Variants in CHCHD6 observed in about 807,000 individuals in gnomAD.
CHCHD6 encodes the protein coiled-coil-helix-coiled-coil-helix domain containing 6, also known as MICOS complex subunit MIC25.
A neutral mutation model predicts 32.3 loss-of-function variants in CHCHD6; 28 were observed. The ratio of observed to expected loss-of-function variants is 0.87; its 90% CI spans 0.64 to 1.19. The LOEUF (loss-of-function observed/expected upper bound fraction) is 1.19. CHCHD6 is among the 50% of genes most tolerant of loss of function. The probability of loss-of-function intolerance (pLI) is 0.00; values close to 1 mark genes in which losing one functional copy is unlikely to be tolerated. For synonymous variants in CHCHD6, 122 were observed against 117.5 expected (o/e 1.04, Z -0.25); for missense variants, 333 against 307.0 (o/e 1.08, Z -0.63).
At chr3:126,841,776 A>G (rs1941093921) in intron 4 of CHCHD6, among the ~76,000 whole-genome samples, 1 of 151,970 alleles carries the variant, frequency 6.6e-6, no homozygotes. Context: ...TTAACTGGGC[A>G]TTGTGGCATG....
At chr3:126,804,811 GGC>G (rs1939278427) in intron 4 of CHCHD6, among the ~76,000 whole-genome samples, 1 of 152,012 alleles carries the variant, frequency 6.6e-6, no homozygotes, top group South Asian at 2.1e-4. Context: ...ATAAAATACT[GGC>G]AAACCAAATC....
intron 6 of CHCHD6, among the ~76,000 whole-genome samples, chr3:126,924,922 C>T (rs2078301442): frequency 6.6e-6 from 1 of 152,212 alleles, no homozygotes. Context: ...CCATCACCTG[C>T]CTTTCATTCA....
intron 5 of CHCHD6, among the ~76,000 whole-genome samples, chr3:126,911,089 C>T (rs1402455795): frequency 1.3e-5 from 2 of 152,182 alleles, no homozygotes; most frequent in African/African-American, 2.4e-5. Flanking sequence ...AGCCTCAGTT[C>T]AGGTATTGGC....
intron 5 of CHCHD6, among the ~76,000 whole-genome samples, chr3:126,864,963 C>A (rs1250592750): frequency 6.6e-6 from 1 of 150,942 alleles, no homozygotes; most frequent in East Asian, 1.9e-4. Context: ...CCTCCTCCAT[C>A]ACCACCTCCA....
In CHCHD6 at chr3:126,846,416, G is replaced by T. The variant is rs527287094; in HGVS notation, c.412-6231G>T. ...AGGTGGCCATAGGAGGCTTTGAAAA[G>T]CTCATATACTATTCCTGGGATTTTA... On this transcript the variant is annotated intron_variant, in intron 4 of 7. Coordinates refer to ENST00000290913, the MANE Select transcript of CHCHD6 (RefSeq NM_032343.3). Among the ~76,000 whole-genome samples, 8 of 152,342 alleles carry T rather than the reference G, an allele frequency of 5.3e-5. No individual in the cohort carries two copies. The South Asian group carries it at 1.7e-3, about 32-fold the overall frequency.
chr3:126,760,962 T>C (rs1361465932), intron 4 of CHCHD6, among the ~76,000 whole-genome samples: 2 of 152,142 alleles, frequency 1.3e-5, no homozygotes, highest in African/African-American at 2.4e-5. Flanking sequence ...GCCTCCTGAG[T>C]AGCTGGGACT....
At chr3:126,940,799 C>T (rs773174358) in intron 6 of CHCHD6, among the ~76,000 whole-genome samples, 4 of 152,172 alleles carry the variant, frequency 2.6e-5, no homozygotes, top group Non-Finnish European at 4.4e-5. Context: ...CTCATTTCTT[C>T]AAGTATTAAG....
Position 126,804,549 on chromosome 3 carries a change from T to G in CHCHD6, c.412-48098T>G, listed in dbSNP as rs1939257062. Among the ~76,000 whole-genome samples the G allele has an allele frequency of 2.0e-5, 3 of 152,026 alleles. No individual in the cohort carries two copies. In the South Asian group the frequency reaches 6.2e-4, roughly 32 times the overall value. On this transcript the variant is annotated intron_variant, in intron 4 of 7. Coordinates refer to ENST00000290913, the MANE Select transcript of CHCHD6 (RefSeq NM_032343.3). ...ATCTCTGAATAGACCAATAACAGGA[T>G]CTGAAATTGTGGCAATAATCAATAG...
intron 5 of CHCHD6, among the ~76,000 whole-genome samples, chr3:126,912,435 G>C (rs559855183): frequency 6.6e-6 from 1 of 152,102 alleles, no homozygotes; most frequent in Non-Finnish European, 1.5e-5. Context: ...GAGCCCCCTT[G>C]CTGGGCATTT....
chr3:126,824,583 T>TAAAAAAAAAAAAAAAAA (rs1940307472), intron 4 of CHCHD6, among the ~76,000 whole-genome samples: 1 of 32,040 alleles, frequency 3.1e-5, no homozygotes, highest in African/African-American at 1.2e-4. Flanking sequence ...AAAAAAAAAG[T>TAAAAAAAAAAAAAAAAA]CAAATGTTGG....
intron 6 of CHCHD6, chr3:126,949,337 C>T (rs1440865344): frequency 3.6e-4 from 79 of 219,018 alleles, no homozygotes; most frequent in South Asian, 5.6e-5. Context: ...GCTACACAGG[C>T]GCCTGCCATG....
chr3:126,939,950 G>T (rs1369456724), intron 6 of CHCHD6, among the ~76,000 whole-genome samples: 1 of 152,040 alleles, frequency 6.6e-6, no homozygotes, highest in Non-Finnish European at 1.5e-5. Context: ...CTGTAAAAAT[G>T]GACCTTTTAA....
At chr3:126,773,065 C>T (rs141125065) in intron 4 of CHCHD6, among the ~76,000 whole-genome samples, 1,560 of 152,058 alleles carry the variant, frequency 0.01, 28 homozygotes, top group African/African-American at 0.035. Flanking sequence ...GGGCCCCAAT[C>T]TCTTCTGGCT....
intron 4 of CHCHD6, among the ~76,000 whole-genome samples, chr3:126,797,776 T>C (rs1447637374): frequency 6.6e-6 from 1 of 152,206 alleles, no homozygotes; most frequent in Non-Finnish European, 1.5e-5. Context: ...GACTTGTTTC[T>C]AACACACGTG....
intron 5 of CHCHD6, among the ~76,000 whole-genome samples, chr3:126,866,183 A>T (rs912266133): frequency 6.6e-6 from 1 of 152,216 alleles, no homozygotes; most frequent in Admixed American, 6.5e-5. Flanking sequence ...GAATTAAATG[A>T]ATTAATATAA....
In CHCHD6 at chr3:126,750,510, C is replaced by T. The variant is rs532150922; in HGVS notation, c.411+17288C>T. On this transcript the variant is annotated intron_variant, in intron 4 of 7. Coordinates refer to ENST00000290913, the MANE Select transcript of CHCHD6 (RefSeq NM_032343.3). ...GAGAAGTGCTCCAGAGTTGGCGACT[C>T]CCTCCTGGGAATTGCTTCAGGATAA... Among the ~76,000 whole-genome samples, 10 of 152,368 alleles carry T rather than the reference C, an allele frequency of 6.6e-5. No individual in the cohort carries two copies. The South Asian group carries it at 2.1e-3, about 32-fold the overall frequency.
chr3:126,857,678 G>A (rs73203692), intron 5 of CHCHD6, among the ~76,000 whole-genome samples: 8,594 of 152,288 alleles, frequency 0.056, 348 homozygotes, highest in South Asian at 0.19. Flanking sequence ...CACAGGAAAA[G>A]GAGTGGTCAG....
At position 126,712,642 on chromosome 3, in the gene CHCHD6, C is replaced by G. The variant is rs994886223; in HGVS notation, c.87+8243C>G. Among the ~76,000 whole-genome samples the G allele has an allele frequency of 2.6e-5, 4 of 152,252 alleles. No individual in the cohort carries two copies. The South Asian group carries it at 6.2e-4, about 24-fold the overall frequency. ...TGCTCTCCGCAGTGGCACTAGTGTC[C>G]AGCATCAACCACCGTCTCTGCCCTT... On this transcript the variant is annotated intron_variant, in intron 1 of 7. Transcript: ENST00000290913.
intron 4 of CHCHD6, among the ~76,000 whole-genome samples, chr3:126,801,744 C>T (rs552365087): frequency 4.3e-4 from 66 of 152,296 alleles, no homozygotes; most frequent in African/African-American, 9.6e-4. Context: ...GATCTGAGAA[C>T]GGGCAGACTG....
Sources: allele counts gnomAD v4.1 joint callset (sites outside exome capture counted in the v4.1 genomes callset), GRCh38; gene constraint gnomAD v4.1.1; transcripts MANE v1.5; gene names NCBI Gene and HGNC (gene_info 2026-07-23, HGNC 2026-07-21).